The following RASGRP1 variants were observed in gnomAD, a reference collection of about 807,000 sequenced individuals.
RASGRP1 encodes the protein RAS guanyl releasing protein 1.
RASGRP1 carries 37 observed loss-of-function variants against 95.1 expected under a neutral mutation model. The observed-to-expected ratio is 0.39, with a 90% confidence interval of 0.30 to 0.51. The LOEUF is 0.51. RASGRP1 is among the 20% of genes least tolerant of loss of function. The pLI is 0.80. For missense variants in RASGRP1, 711 were observed against 965.4 expected, an observed-to-expected ratio of 0.74 and a Z score of 3.49; for synonymous variants, 325 against 353.4, an observed-to-expected ratio of 0.92 and a Z score of 0.90.
intron 1 of RASGRP1, 34 bp downstream of exon 1, chr15:38,564,560 G>A (rs1479371873): frequency 2.9e-6 from 4 of 1,360,730 alleles, no homozygotes; most frequent in Non-Finnish European, 3.8e-6. Context: ...AAAGGACACA[G>A]GCGCTCCCGA....
rs773456219 is a variant in RASGRP1 at position 38,489,857 on chromosome 15, T to TA, written c.*696dup. 3 of 152,146 alleles carry TA rather than the reference T, an allele frequency of 2.0e-5. No homozygotes were observed. Among genetic ancestry groups the TA allele is most frequent in the Admixed American group, 1.3e-4 (2 of 15,274 alleles). 9.4% of individuals were successfully genotyped at this position (152,146 alleles called of 1,614,324 possible). A position where few individuals can be genotyped will look rare whatever the true frequency, so the allele number is the denominator to read the frequency against. ...GGTAATAGCTATGTTTCCAGGTACC[T>TA]AATTTGATTACTTATTTTCTGATGC... is the stretch of plus-strand genomic sequence containing the variant. On this transcript the variant is annotated 3_prime_UTR_variant, in exon 17 of 17. Transcript: ENST00000310803.
chr15:38,522,956 A>G (rs1414953080), intron 3 of RASGRP1, among the ~76,000 whole-genome samples: 1 of 152,218 alleles, frequency 6.6e-6, no homozygotes, highest in African/African-American at 2.4e-5. Flanking sequence ...ATGTAGATAC[A>G]AAGACTGGAG....
At chr15:38,554,301 T>A (rs1046321701) in intron 2 of RASGRP1, among the ~76,000 whole-genome samples, 2 of 152,104 alleles carry the variant, frequency 1.3e-5, no homozygotes, top group African/African-American at 4.8e-5. Flanking sequence ...AACCACCTCA[T>A]AGGGTTGTTG....
chr15:38,525,599 G>A (rs192164012), intron 3 of RASGRP1, among the ~76,000 whole-genome samples: 16 of 152,250 alleles, frequency 1.1e-4, no homozygotes, highest in Non-Finnish European at 1.5e-4. Flanking sequence ...GATGAAACGC[G>A]GGGAATTAGG....
chr15:38,547,949 A>G (rs967459438), intron 2 of RASGRP1, among the ~76,000 whole-genome samples: 2 of 150,186 alleles, frequency 1.3e-5, no homozygotes, highest in Non-Finnish European at 2.9e-5. Flanking sequence ...CTCTGACAGT[A>G]GCATTAAAGA....
chr15:38,495,982 G>A (rs762946528), intron 15 of RASGRP1, among the ~76,000 whole-genome samples: 3 of 152,108 alleles, frequency 2.0e-5, no homozygotes, highest in African/African-American at 7.2e-5. Flanking sequence ...GGAGCAAAAG[G>A]AAGAAAGCAG....
intron 3 of RASGRP1, among the ~76,000 whole-genome samples, chr15:38,522,264 T>C (rs1467805243): frequency 6.6e-6 from 1 of 152,196 alleles, no homozygotes; most frequent in African/African-American, 2.4e-5. Context: ...ATTCAATCAA[T>C]TTTTCAGTAC....
At chr15:38,556,404 T>A (rs560316709) in intron 2 of RASGRP1, among the ~76,000 whole-genome samples, 1 of 152,324 alleles carries the variant, frequency 6.6e-6, no homozygotes, top group South Asian at 2.1e-4. Flanking sequence ...CTGAGAACAG[T>A]GTGGGTGGTA....
At position 38,538,689 on chromosome 15, in the gene RASGRP1, C is replaced by G. The variant is rs534848955; in HGVS notation, c.221-12285G>C. Among the ~76,000 whole-genome samples the G allele has an allele frequency of 1.1e-3, 175 of 152,324 alleles. 1 individual carries two copies. The highest frequency in any genetic ancestry group is 4.2e-3 in the African/African-American group (173 of 41,574). ...AGATTCAAACCCAGGCTGCCTGGCT[C>G]TGGGATGGCCCTGATTGTTTCTGAG... On this transcript the variant is annotated intron_variant, in intron 2 of 16. Coordinates refer to ENST00000310803, the MANE Select transcript of RASGRP1 (RefSeq NM_005739.4).
At chr15:38,494,918 G>A (rs1890738699) in intron 15 of RASGRP1, among the ~76,000 whole-genome samples, 151 bp from the exon 16 acceptor site, 1 of 152,200 alleles carries the variant, frequency 6.6e-6, no homozygotes. Flanking sequence ...TTTAGGGGGT[G>A]AGGGCTAAAT....
At position 38,526,323 on chromosome 15, in the gene RASGRP1, T is replaced by C. The variant is rs544477730; in HGVS notation, c.302A>G (p.Glu101Gly). The C allele has an allele frequency of 5.0e-6, 8 of 1,613,254 alleles. No homozygotes were observed. In the South Asian group the frequency reaches 7.7e-5, roughly 16 times the overall value. The part of the protein sequence containing the change: ...TMHRIVISSA[E>G]LLQKVITLYK... ...TAGGGTGATAACTTTTTGGAGCAGT[T>C]CTGCAGAGGAGATGACAATTCGGTG... Residue 101 changes from glutamate (E) to glycine (G), a missense_variant, in exon 3 of 17, where the codon GAA becomes GGA. This residue lies in a region of RASGRP1 where 491 missense variants were observed against 676.6 expected (regional missense o/e 0.73). Coordinates refer to ENST00000310803, the MANE Select transcript of RASGRP1 (RefSeq NM_005739.4).
rs1052590676 is a variant in RASGRP1, at chr15:38,564,766, C to T, written c.-138G>A. ...CCCGGCGCCCGCCAGCCCTCGAGCCCGGCGAGCCCGACCGAGGTGCACCGC... is the reference window on the plus strand; with the variant it reads ...CCCGGCGCCCGCCAGCCCTCGAGCCTGGCGAGCCCGACCGAGGTGCACCGC... On this transcript the variant is annotated 5_prime_UTR_variant, in exon 1 of 17. Transcript: ENST00000310803. 4 of 683,294 alleles carry T rather than the reference C, an allele frequency of 5.9e-6. No individual in the cohort carries two copies. The highest frequency in any genetic ancestry group is 7.6e-6 in the Non-Finnish European group (4 of 522,910). The allele number at this position is 683,294 out of a possible 1,614,324, so 42.3% of individuals were successfully genotyped here. A position where few individuals can be genotyped will look rare whatever the true frequency, so the allele number is the denominator to read the frequency against.
At chr15:38,504,635 C>T (rs775891941) in intron 10 of RASGRP1, 1 of 152,094 alleles carries the variant, frequency 6.6e-6, no homozygotes, top group African/African-American at 2.4e-5. Context: ...GTTAATTTTT[C>T]TAAGTAGAAG....
chr15:38,513,003 T>C (rs1167604188), intron 6 of RASGRP1, 47 bp from the exon 7 acceptor site: 5 of 1,356,944 alleles, frequency 3.7e-6, no homozygotes, highest in Non-Finnish European at 4.9e-6. Flanking sequence ...ATCAGTACTG[T>C]ACTCTGGTAT....
At chr15:38,562,321 T>C (rs1008753022) in intron 1 of RASGRP1, among the ~76,000 whole-genome samples, 5 of 152,234 alleles carry the variant, frequency 3.3e-5, no homozygotes, top group African/African-American at 1.2e-4. Flanking sequence ...ACAGACTCTT[T>C]ATGGTCATTT....
intron 16 of RASGRP1, 94 bp from the exon 17 acceptor site, chr15:38,490,782 T>C: frequency 7.6e-7 from 1 of 1,316,872 alleles, no homozygotes; most frequent in Non-Finnish European, 1.0e-6. Flanking sequence ...GCATTTCCTA[T>C]TCACTGTGGC....
At chr15:38,516,104 T>G in intron 6 of RASGRP1, 93 bp downstream of exon 6, 1 of 1,426,996 alleles carries the variant, frequency 7.0e-7, no homozygotes, top group South Asian at 1.3e-5. Flanking sequence ...TGAGGGGGCC[T>G]CTAAGGTTAT....
At chr15:38,499,656 T>C (rs568046059) in intron 14 of RASGRP1, among the ~76,000 whole-genome samples, 2 of 152,314 alleles carry the variant, frequency 1.3e-5, no homozygotes, top group Non-Finnish European at 2.9e-5. Flanking sequence ...AATGGACAAC[T>C]ACTATGGGTA....
intron 3 of RASGRP1, among the ~76,000 whole-genome samples, chr15:38,524,888 G>T (rs1307099907): frequency 6.6e-6 from 1 of 152,064 alleles, no homozygotes; most frequent in Non-Finnish European, 1.5e-5. Flanking sequence ...AGGGACCATG[G>T]GAAAGGGAGG....
Sources: gnomAD v4.1 joint callset for allele counts (sites outside exome capture counted in the v4.1 genomes callset) on GRCh38, gnomAD v4.1.1 for gene constraint, gnomAD v4.1.1 regional missense constraint, MANE v1.5 for transcripts, NCBI Gene and HGNC (gene_info 2026-07-23, HGNC 2026-07-21) for gene names.